Variants in RELN observed in about 807,000 individuals in gnomAD.
RELN encodes the protein reelin.
A neutral mutation model predicts 427.6 loss-of-function variants in RELN; 108 were observed. That is an observed-to-expected ratio of 0.25 (90% CI 0.22 to 0.30). The LOEUF is 0.30. Among genes scored for constraint, RELN ranks in the 10% least tolerant of loss-of-function variants. RELN has a pLI of 1.00. For synonymous variants in RELN, 1,524 were observed against 1,513.4 expected (o/e 1.01, Z -0.16); for missense variants, 3,715 against 4,302.8 (o/e 0.86, Z 3.82).
chr7:103,823,324 A>C (rs956024271), intron 3 of RELN, among the ~76,000 whole-genome samples: 1 of 152,004 alleles, frequency 6.6e-6, no homozygotes, highest in Non-Finnish European at 1.5e-5. Context: ...ATCTGTTTAT[A>C]TTTATTGTAA....
At chr7:103,576,232 C>T (rs1179376902) in intron 28 of RELN, among the ~76,000 whole-genome samples, 1 of 151,838 alleles carries the variant, frequency 6.6e-6, no homozygotes, top group Non-Finnish European at 1.5e-5. Flanking sequence ...GAGACTCCGT[C>T]TCAAAAAAAA....
intron 2 of RELN, among the ~76,000 whole-genome samples, chr7:103,861,992 G>T (rs1442288410): frequency 1.3e-5 from 2 of 152,110 alleles, no homozygotes; most frequent in African/African-American, 4.8e-5. Flanking sequence ...AAACATAGAA[G>T]TATGCAAAAA....
At chr7:103,710,589 C>T (rs1456623276) in intron 8 of RELN, among the ~76,000 whole-genome samples, 1 of 152,110 alleles carries the variant, frequency 6.6e-6, no homozygotes, top group African/African-American at 2.4e-5. Context: ...GAGAGGTTTT[C>T]CAATTCTATA....
At chr7:103,583,353 T>C (rs1831197787) in intron 28 of RELN, among the ~76,000 whole-genome samples, 1 of 152,212 alleles carries the variant, frequency 6.6e-6, no homozygotes, top group Non-Finnish European at 1.5e-5. Context: ...TGTATCTACA[T>C]ATATAGATAT....
intron 43 of RELN, 146 bp downstream of exon 43, chr7:103,542,585 C>T (rs558074085): frequency 1.0e-5 from 8 of 763,526 alleles, no homozygotes; most frequent in Non-Finnish European, 1.7e-5. Context: ...CTTGTGTCTT[C>T]CTGAAAGCTT....
intron 53 of RELN, among the ~76,000 whole-genome samples, chr7:103,500,172 T>A (rs1828978978): frequency 6.6e-6 from 1 of 152,186 alleles, no homozygotes; most frequent in Admixed American, 6.5e-5. Context: ...ATGTGGCAAC[T>A]GTGTTGGGTA....
intron 17 of RELN, among the ~76,000 whole-genome samples, chr7:103,637,817 C>A (rs1417361712): frequency 6.6e-6 from 1 of 152,130 alleles, no homozygotes; most frequent in Non-Finnish European, 1.5e-5. Context: ...ATGTGTTTTA[C>A]CACAGTCACG....
At chr7:103,499,822 TAATAA>T (rs1333750221) in intron 53 of RELN, among the ~76,000 whole-genome samples, 3 of 152,224 alleles carry the variant, frequency 2.0e-5, no homozygotes, top group African/African-American at 7.2e-5. Context: ...TGAGGAATAC[TAATAA>T]AATTTGAGTG....
intron 3 of RELN, among the ~76,000 whole-genome samples, chr7:103,820,033 A>ACATT (rs1792975746): frequency 6.6e-6 from 1 of 152,040 alleles, no homozygotes; most frequent in African/African-American, 2.4e-5. Context: ...TTTACAAAAT[A>ACATT]TACAATAATA....
chr7:103,929,212 G>C (rs1420471394), intron 1 of RELN, among the ~76,000 whole-genome samples: 3 of 152,180 alleles, frequency 2.0e-5, no homozygotes, highest in Admixed American at 6.5e-5. Flanking sequence ...CTGAGAAATA[G>C]TGGTCAGTGA....
At chr7:103,976,821 C>G (rs1039242747) in intron 1 of RELN, among the ~76,000 whole-genome samples, 1 of 152,104 alleles carries the variant, frequency 6.6e-6, no homozygotes, top group Non-Finnish European at 1.5e-5. Context: ...ATCAAGAGGT[C>G]GGGCAAATTG....
intron 1 of RELN, among the ~76,000 whole-genome samples, chr7:103,917,921 T>A (rs999605832): frequency 6.6e-6 from 1 of 152,126 alleles, no homozygotes; most frequent in African/African-American, 2.4e-5. Context: ...CATAATTTCC[T>A]GCTTGACGTA....
At chr7:103,564,260 G>A (rs916668805) in intron 34 of RELN, among the ~76,000 whole-genome samples, 4 of 152,234 alleles carry the variant, frequency 2.6e-5, no homozygotes, top group African/African-American at 9.6e-5. Flanking sequence ...CCTCTTGGTT[G>A]TACATGTCTG....
chr7:103,522,425 A>G (rs757510184), intron 47 of RELN, among the ~76,000 whole-genome samples: 5 of 152,212 alleles, frequency 3.3e-5, no homozygotes, highest in African/African-American at 1.2e-4. Context: ...ATTCAGGGTT[A>G]TAGGTGGAGA....
chr7:103,850,060 C>A (rs987821547), intron 2 of RELN, among the ~76,000 whole-genome samples: 3 of 152,168 alleles, frequency 2.0e-5, no homozygotes, highest in Non-Finnish European at 4.4e-5. Context: ...ATTGAACATA[C>A]CAATTGCATT....
At chr7:103,892,822 G>T (rs925889142) in intron 2 of RELN, among the ~76,000 whole-genome samples, 4 of 152,130 alleles carry the variant, frequency 2.6e-5, no homozygotes, top group Admixed American at 6.5e-5. Context: ...ATCACTGTAG[G>T]AAATTCCTGT....
chr7:103,766,420 A>G (rs1791425759), intron 4 of RELN, among the ~76,000 whole-genome samples: 1 of 152,212 alleles, frequency 6.6e-6, no homozygotes, highest in Non-Finnish European at 1.5e-5. Context: ...CTGAATTAAT[A>G]AAGACTTTGC....
In RELN at chr7:103,640,106, A is replaced by G. The variant is rs896179908; in HGVS notation, c.2069+437T>C. On this transcript the variant is annotated intron_variant, in intron 17 of 64. Transcript: ENST00000428762. This position sits in a 1 kb window ranked among gnomAD's most constrained non-coding sequence, Gnocchi z 4.1. ...GCTTAAGTTATATTTAAAGATGATG[A>G]ATTTGCTTATCAAATCTGCTAAATT... Among the ~76,000 whole-genome samples the G allele has an allele frequency of 5.9e-5, 9 of 152,224 alleles. No individual in the cohort carries two copies. The highest frequency in any genetic ancestry group is 4.4e-5 in the Non-Finnish European group (3 of 68,040).
At chr7:103,933,499 G>A (rs937845371) in intron 1 of RELN, among the ~76,000 whole-genome samples, 4 of 148,716 alleles carry the variant, frequency 2.7e-5, no homozygotes, top group Non-Finnish European at 3.0e-5. Context: ...GAAAGGAAGG[G>A]AGGGAGGGAG....
Sources: allele counts gnomAD v4.1 joint callset (sites outside exome capture counted in the v4.1 genomes callset), GRCh38; gene constraint gnomAD v4.1.1; non-coding constraint Gnocchi (gnomAD v3.1); transcripts MANE v1.5; gene names NCBI Gene and HGNC (gene_info 2026-07-23, HGNC 2026-07-21).